Variants in LY6S observed in about 807,000 individuals in gnomAD.
The protein encoded by LY6S is lymphocyte antigen 6 family member S, also known as lymphocyte antigen 6S.
the LY6S span, among the ~76,000 whole-genome samples, chr8:143,052,275 C>T: frequency 1.6e-3 from 250 of 151,736 alleles, 3 homozygotes; most frequent in Non-Finnish European, 3.2e-4. Context: ...AGCGAGACTC[C>T]GTCTCAAAAA....
the LY6S span, among the ~76,000 whole-genome samples, chr8:143,073,664 T>C: frequency 5.2e-5 from 7 of 134,770 alleles, 2 homozygotes; most frequent in African/African-American, 1.6e-4. Flanking sequence ...AAGACAGCCA[T>C]CATCCTCGGG....
chr8:143,066,990 G>A, the LY6S span, among the ~76,000 whole-genome samples: 1 of 152,210 alleles, frequency 6.6e-6, no homozygotes, highest in African/African-American at 2.4e-5. Flanking sequence ...CAGTGGTGGA[G>A]GTGGGCCTGG....
At chr8:143,069,385 T>G in the LY6S span, among the ~76,000 whole-genome samples, 1 of 152,180 alleles carries the variant, frequency 6.6e-6, no homozygotes, top group Non-Finnish European at 1.5e-5. Flanking sequence ...ATCCCTCCCT[T>G]TCTCACCGTA....
chr8:143,076,458 G>A, the LY6S span, among the ~76,000 whole-genome samples: 2 of 152,218 alleles, frequency 1.3e-5, no homozygotes, highest in African/African-American at 4.8e-5. Context: ...AGGGAGAGCT[G>A]TGCATGGAGC....
chr8:143,062,395 T>A, the LY6S span, among the ~76,000 whole-genome samples: 2 of 152,106 alleles, frequency 1.3e-5, no homozygotes, highest in African/African-American at 4.8e-5. Context: ...AGGCCGGGCG[T>A]GGTAGCTCAC....
the LY6S span, among the ~76,000 whole-genome samples, chr8:143,069,537 A>G: frequency 6.6e-6 from 1 of 152,216 alleles, no homozygotes; most frequent in Admixed American, 6.5e-5. Flanking sequence ...CGGGTAATTA[A>G]CAGCCCGGCC....
chr8:143,053,253 C>T, the LY6S span: 1 of 152,106 alleles, frequency 6.6e-6, no homozygotes, highest in Non-Finnish European at 1.5e-5. Flanking sequence ...TCATGACACC[C>T]GGGAGCTCAC....
the LY6S span, chr8:143,044,562 C>T: frequency 1.5e-6 from 1 of 659,332 alleles, no homozygotes. Context: ...CCTCAGGAGC[C>T]ACAGACCGGC....
the LY6S span, chr8:143,044,530 G>GT: frequency 4.0e-4 from 79 of 197,884 alleles, no homozygotes; most frequent in South Asian, 1.5e-3. Context: ...TGCCCGCCAT[G>GT]CCCACCCCAC....
the LY6S span, chr8:143,047,932 A>C: frequency 6.6e-6 from 1 of 152,236 alleles, no homozygotes; most frequent in Non-Finnish European, 1.5e-5. Context: ...TCTCTTCTGC[A>C]TCAAACTTTC....
the LY6S span, chr8:143,056,983 T>A: frequency 4.3e-6 from 1 of 230,112 alleles, no homozygotes; most frequent in Non-Finnish European, 9.5e-6. Context: ...ATATTGGAAG[T>A]CTTAGGAAAA....
chr8:143,049,053 G>A, the LY6S span, among the ~76,000 whole-genome samples: 14 of 152,236 alleles, frequency 9.2e-5, no homozygotes, highest in Middle Eastern at 3.4e-3. Flanking sequence ...TCCAGCGCCC[G>A]TGAGACCCAG....
the LY6S span, chr8:143,044,534 A>ACC: frequency 3.5e-5 from 2 of 57,136 alleles, no homozygotes; most frequent in South Asian, 1.3e-4. Flanking sequence ...CGCCATGCCC[A>ACC]CCCCACCCCA....
At chr8:143,050,559 T>C in the LY6S span, among the ~76,000 whole-genome samples, 2 of 152,172 alleles carry the variant, frequency 1.3e-5, no homozygotes, top group Middle Eastern at 3.4e-3. Context: ...TAAAGGGCCA[T>C]GTTGGCTCTT....
At chr8:143,048,824 A>C in the LY6S span, among the ~76,000 whole-genome samples, 1 of 152,084 alleles carries the variant, frequency 6.6e-6, no homozygotes, top group Non-Finnish European at 1.5e-5. Flanking sequence ...GACCTTATGC[A>C]TTTTCCACCT....
chr8:143,044,489 G>A, the LY6S span, among the ~76,000 whole-genome samples: 2 of 152,026 alleles, frequency 1.3e-5, no homozygotes, highest in Admixed American at 1.3e-4. Flanking sequence ...CCTCAGCCCT[G>A]CCGCTCTTCC....
the LY6S span, among the ~76,000 whole-genome samples, chr8:143,070,448 A>G: frequency 0.74 from 57,298 of 77,606 alleles, 19,502 homozygotes; most frequent in Admixed American, 0.78. Flanking sequence ...TATATATTGT[A>G]TATATATATA....
At chr8:143,052,774 C>A in the LY6S span, among the ~76,000 whole-genome samples, 2 of 152,154 alleles carry the variant, frequency 1.3e-5, no homozygotes, top group African/African-American at 2.4e-5. Context: ...CAAACCCTGG[C>A]AAAATTATGC....
At chr8:143,044,647 A>C in the LY6S span, 1 of 1,354,838 alleles carries the variant, frequency 7.4e-7, no homozygotes, top group Non-Finnish European at 9.8e-7. Context: ...CTCCCTCCCC[A>C]GAACCTGCCC....
Sources: gnomAD v4.1 joint callset for allele counts (sites outside exome capture counted in the v4.1 genomes callset) on GRCh38, gnomAD v4.1.1 for gene constraint, MANE v1.5 for transcripts, NCBI Gene and HGNC (gene_info 2026-07-23, HGNC 2026-07-21) for gene names.